The following ARID1B variants were observed in gnomAD, a reference collection of about 807,000 sequenced individuals.
The protein encoded by ARID1B is AT-rich interaction domain 1B, also known as AT-rich interactive domain-containing protein 1B.
Under a neutral mutation model 212.3 loss-of-function variants are expected in ARID1B, and 30 were observed. That is an observed-to-expected ratio of 0.14 (90% CI 0.11 to 0.19). The LOEUF is 0.19. Among genes scored for constraint, ARID1B ranks in the 10% least tolerant of loss-of-function variants. The probability of loss-of-function intolerance (pLI) is 1.00; values close to 1 mark genes in which losing one functional copy is unlikely to be tolerated. For missense variants in ARID1B, 2,891 were observed against 3,204.0 expected, an observed-to-expected ratio of 0.90 and a Z score of 2.36; for synonymous variants, 1,402 against 1,301.7, an observed-to-expected ratio of 1.08 and a Z score of -1.66.
At chr6:156,787,233 G>C (rs955672670) in intron 1 of ARID1B, among the ~76,000 whole-genome samples, 1 of 152,096 alleles carries the variant, frequency 6.6e-6, no homozygotes, top group African/African-American at 2.4e-5. Context: ...AAAACAGTCT[G>C]TTCAGATTTA....
intron 2 of ARID1B, among the ~76,000 whole-genome samples, chr6:156,871,453 G>T (rs996684283): frequency 6.6e-6 from 1 of 152,198 alleles, no homozygotes; most frequent in South Asian, 2.1e-4. Context: ...ACATTTGATA[G>T]GGAGTGGTGG....
At chr6:156,996,237 T>C (rs1013622663) in intron 4 of ARID1B, among the ~76,000 whole-genome samples, 3 of 152,306 alleles carry the variant, frequency 2.0e-5, no homozygotes, top group South Asian at 4.1e-4. Flanking sequence ...TCGCAAAAAC[T>C]GTAAGGAATG....
Position 157,207,790 on chromosome 6 carries a change from T to C in ARID1B, c.7018T>C (p.Leu2340=). ...RVDENRSEFL[L]HEGRLLDISI... ...GGACGAAAACCGCTCGGAATTCCTTTTGCACGAGGGCCGGTTGCTGGATAT... is the reference window on the plus strand; with the variant it reads ...GGACGAAAACCGCTCGGAATTCCTTCTGCACGAGGGCCGGTTGCTGGATAT... Residue 2340 remains leucine, a synonymous_variant, in exon 20 of 20, where the codon TTG becomes CTG. Coordinates refer to ENST00000636930, the MANE Select transcript of ARID1B (RefSeq NM_001374828.1). This position sits in a 1 kb window ranked among gnomAD's most constrained non-coding sequence, Gnocchi z 8.5. 6.4e-7 allele frequency: 1 copy of C among 1,561,424 alleles called. No homozygotes were observed.
rs62424327 is a variant in ARID1B at position 157,117,464 on chromosome 6, C to G, written c.2581+6903C>G. On this transcript the variant is annotated intron_variant, in intron 6 of 19. Coordinates refer to ENST00000636930, the MANE Select transcript of ARID1B (RefSeq NM_001374828.1). ...CACATTCTATTTGCATAGTGCACAC[C>G]TTTTGGCTGCGGGCACATCTTTCTC... Among the ~76,000 whole-genome samples, 575 of 152,268 alleles carry G rather than the reference C, an allele frequency of 3.8e-3. 2 individuals are homozygous for G. The highest frequency in any genetic ancestry group is 6.5e-3 in the Non-Finnish European group (442 of 68,026).
At chr6:156,986,853 A>G (rs1349322537) in intron 4 of ARID1B, among the ~76,000 whole-genome samples, 2 of 152,106 alleles carry the variant, frequency 1.3e-5, no homozygotes, top group East Asian at 3.8e-4. Flanking sequence ...TAAAACACAA[A>G]CTGGCTGTTC....
intron 1 of ARID1B, among the ~76,000 whole-genome samples, chr6:156,813,466 A>G (rs1388918857): frequency 6.6e-6 from 1 of 152,146 alleles, no homozygotes; most frequent in East Asian, 1.9e-4. Context: ...GTTCTTATTT[A>G]TGTAGCATTC....
Position 156,931,604 on chromosome 6 carries a change from A to C in ARID1B, c.2137-3862A>C, listed in dbSNP as rs538027361. On this transcript the variant is annotated intron_variant, in intron 3 of 19. Coordinates refer to ENST00000636930, the MANE Select transcript of ARID1B (RefSeq NM_001374828.1). ...AGCACTTTGGCAGGAGAATCACTTGAGGCCAGTAGCTGGAGACCAGCCTGG... is the reference window on the plus strand; with the variant it reads ...AGCACTTTGGCAGGAGAATCACTTGCGGCCAGTAGCTGGAGACCAGCCTGG... Among the ~76,000 whole-genome samples the C allele has an allele frequency of 3.3e-5, 5 of 152,322 alleles. 1 individual carries two copies. The East Asian group carries it at 9.6e-4, about 29-fold the overall frequency.
At position 157,006,973 on chromosome 6, in the gene ARID1B, G is replaced by A. The variant is rs78782525; in HGVS notation, c.2247+71397G>A. The stretch of plus-strand genomic sequence containing the variant: ...TGTGTACACACACACACACAGACAC[G>A]CAAAGTTTATCAGGCACCATGATAT... On this transcript the variant is annotated intron_variant, in intron 4 of 19. Coordinates refer to ENST00000636930, the MANE Select transcript of ARID1B (RefSeq NM_001374828.1). Among the ~76,000 whole-genome samples the A allele has an allele frequency of 5.6e-3, 846 of 152,292 alleles. 14 individuals carry two copies. The highest frequency in any genetic ancestry group is 0.02 in the African/African-American group (816 of 41,552).
chr6:156,925,040 G>A (rs113862555), intron 3 of ARID1B, among the ~76,000 whole-genome samples: 1 of 152,082 alleles, frequency 6.6e-6, no homozygotes, highest in Non-Finnish European at 1.5e-5. Context: ...TCTTTCCTAC[G>A]AAAGAAGGCA....
At chr6:156,999,371 C>T (rs533244268) in intron 4 of ARID1B, among the ~76,000 whole-genome samples, 27 of 152,264 alleles carry the variant, frequency 1.8e-4, no homozygotes, top group African/African-American at 3.1e-4. Flanking sequence ...ATGTATAAAA[C>T]GAAGGTCACA....
At chr6:157,118,703 C>T (rs567823790) in intron 6 of ARID1B, among the ~76,000 whole-genome samples, 1 of 152,356 alleles carries the variant, frequency 6.6e-6, no homozygotes, top group South Asian at 2.1e-4. Context: ...TGGCACAGGA[C>T]TTGTGTCAGG....
At chr6:156,827,879 G>C (rs1782861202) in intron 1 of ARID1B, among the ~76,000 whole-genome samples, 1 of 143,924 alleles carries the variant, frequency 6.9e-6, no homozygotes, top group Non-Finnish European at 1.5e-5. Context: ...TCCTGCCTCA[G>C]CCTCCGGAGT....
At chr6:156,826,838 C>T (rs1237420289) in intron 1 of ARID1B, among the ~76,000 whole-genome samples, 1 of 152,158 alleles carries the variant, frequency 6.6e-6, no homozygotes, top group Non-Finnish European at 1.5e-5. Context: ...TCCCTTCCCT[C>T]CTGTAAGAGC....
At chr6:156,922,118 A>C (rs1790856756) in intron 3 of ARID1B, among the ~76,000 whole-genome samples, 1 of 151,062 alleles carries the variant, frequency 6.6e-6, no homozygotes, top group African/African-American at 2.4e-5. Context: ...CCCCCATGGT[A>C]TTCATCTAAG....
chr6:157,190,659 C>T lies in ARID1B; in HGVS notation c.4231+449C>T, dbSNP rs879405576. On this transcript the variant is annotated intron_variant, in intron 15 of 19. Coordinates refer to ENST00000636930, the MANE Select transcript of ARID1B (RefSeq NM_001374828.1). This position sits in a 1 kb window ranked among gnomAD's most constrained non-coding sequence, Gnocchi z 4.6. The stretch of plus-strand genomic sequence containing the variant: ...TGCTAGTGTGCGCTGGGCGCTAGCT[C>T]GTGGATTGGTAAATCAGAGTCGCTG... Among the ~76,000 whole-genome samples the T allele has an allele frequency of 6.6e-6, 1 of 152,210 alleles. No homozygotes were observed. The highest frequency in any genetic ancestry group is 1.5e-5 in the Non-Finnish European group (1 of 68,046).
intron 4 of ARID1B, among the ~76,000 whole-genome samples, chr6:156,944,355 C>A (rs759931820): frequency 7.2e-5 from 11 of 152,168 alleles, no homozygotes; most frequent in Non-Finnish European, 1.5e-4. Flanking sequence ...TATAATCTTA[C>A]TATGCAGGCC....
At chr6:156,854,186 A>G (rs562500059) in intron 2 of ARID1B, among the ~76,000 whole-genome samples, 1 of 152,258 alleles carries the variant, frequency 6.6e-6, no homozygotes, top group Non-Finnish European at 1.5e-5. Context: ...TGACATTAAC[A>G]ATTTCCTTTT....
intron 1 of ARID1B, among the ~76,000 whole-genome samples, chr6:156,791,223 A>T (rs961122661): frequency 2.0e-5 from 3 of 152,214 alleles, no homozygotes; most frequent in African/African-American, 7.2e-5. Context: ...ATTCCATATA[A>T]ATGTATTTTA....
chr6:156,867,934 G>A (rs1401724663), intron 2 of ARID1B, among the ~76,000 whole-genome samples: 2 of 152,308 alleles, frequency 1.3e-5, no homozygotes, highest in East Asian at 1.9e-4. Context: ...CTGTATTCAC[G>A]TCAGTTATGC....
Sources: allele counts gnomAD v4.1 joint callset (sites outside exome capture counted in the v4.1 genomes callset), GRCh38; gene constraint gnomAD v4.1.1; non-coding constraint Gnocchi (gnomAD v3.1); transcripts MANE v1.5; gene names NCBI Gene and HGNC (gene_info 2026-07-23, HGNC 2026-07-21).